DIXDC1: variants seen among roughly 807,000 people sequenced by gnomAD.
DIXDC1 encodes DIX domain containing 1.
In DIXDC1, 64 loss-of-function variants were observed where a neutral mutation model predicts 103.1. That is an observed-to-expected ratio of 0.62 (90% CI 0.51 to 0.76). The LOEUF is 0.76. DIXDC1 is among the 30% of genes least tolerant of loss of function. DIXDC1 has a pLI of 0.00. For synonymous variants in DIXDC1, 266 were observed against 298.5 expected (o/e 0.89, Z 1.12); for missense variants, 759 against 834.2 (o/e 0.91, Z 1.11).
upstream of DIXDC1, chr11:111,937,143 G>GGT: frequency 1.3e-6 from 1 of 753,118 alleles, no homozygotes; most frequent in Non-Finnish European, 1.6e-6. Context: ...GGGGGGGGGT[G>GGT]TGCGCGTGCG....
intron 11 of DIXDC1, 116 bp from the exon 12 acceptor site, chr11:111,992,835 A>T: frequency 1.9e-6 from 2 of 1,028,290 alleles, no homozygotes; most frequent in East Asian, 2.6e-5. Context: ...TTACCATCAT[A>T]CCCTCTCTGT....
Position 111,937,357 on chromosome 11 carries a change from C to T in DIXDC1, c.-143C>T, listed in dbSNP as rs1243532784. On this transcript the variant is annotated 5_prime_UTR_variant, in exon 1 of 20. Transcript: ENST00000440460. ...TGCAAGCCGCTAGTTTGGCTCCAGTCTAGGTTTCCAGTAAGTGGCATGCGG... is the reference window on the plus strand; with the variant it reads ...TGCAAGCCGCTAGTTTGGCTCCAGTTTAGGTTTCCAGTAAGTGGCATGCGG... The T allele has an allele frequency of 6.9e-7, 1 of 1,441,474 alleles. No homozygotes were observed. The highest frequency in any genetic ancestry group is 1.4e-5 in the African/African-American group (1 of 68,996). The allele number at this position is 1,441,474 out of a possible 1,614,324, so 89.3% of individuals were successfully genotyped here.
In DIXDC1 at chr11:111,964,623, C is replaced by A. The variant is rs1859670071; in HGVS notation, c.135C>A (p.Asp45Glu). The change falls in exon 2 of 20, where the codon GAC becomes GAA. Residue 45 changes from aspartate to glutamate, a missense_variant. Physicochemically the swap from Asp to Glu is conservative, Grantham distance 45 (BLOSUM62 2). Transcript: ENST00000440460. ...GGCCAGCAGTGAAGCCTGTGCAGGA[C>A]CTGCGACAAGATCTCCGGGATGGGG... is the stretch of plus-strand genomic sequence containing the variant. ...KKRPAVKPVQ[D>E]LRQDLRDGVI... The A allele has an allele frequency of 5.6e-6, 9 of 1,612,230 alleles. No individual in the cohort carries two copies. Among genetic ancestry groups the A allele is most frequent in the Non-Finnish European group, 6.8e-6 (8 of 1,179,334 alleles).
chr11:111,933,804 A>G (rs1555167899), upstream of DIXDC1, among the ~76,000 whole-genome samples: 1 of 151,954 alleles, frequency 6.6e-6, no homozygotes, highest in East Asian at 1.9e-4. Flanking sequence ...ATAGTCATGA[A>G]TTATTGGCCA....
At chr11:111,988,339 C>T (rs587657002) in intron 9 of DIXDC1, among the ~76,000 whole-genome samples, 2 of 152,316 alleles carry the variant, frequency 1.3e-5, no homozygotes, top group African/African-American at 4.8e-5. Flanking sequence ...GTCCAAGTTA[C>T]AGATCCCCAT....
upstream of DIXDC1, among the ~76,000 whole-genome samples, chr11:111,934,855 CAT>C (rs782484791): frequency 6.6e-6 from 1 of 152,142 alleles, no homozygotes; most frequent in Non-Finnish European, 1.5e-5. Context: ...TCTTAATAGT[CAT>C]ATGGGAACAA....
At chr11:112,012,674 C>G (rs2137636017) in intron 17 of DIXDC1, among the ~76,000 whole-genome samples, 1 of 152,256 alleles carries the variant, frequency 6.6e-6, no homozygotes. Flanking sequence ...AGCCACTTAT[C>G]CTGCATGAGT....
chr11:111,983,484 A>T (rs1214517333), intron 7 of DIXDC1, among the ~76,000 whole-genome samples: 5 of 152,186 alleles, frequency 3.3e-5, no homozygotes, highest in Admixed American at 6.5e-5. Context: ...CTGTATTTTT[A>T]AAATGGCTGG....
At chr11:111,942,457 A>G (rs1219343181) in intron 1 of DIXDC1, among the ~76,000 whole-genome samples, 4 of 152,228 alleles carry the variant, frequency 2.6e-5, no homozygotes, top group African/African-American at 9.6e-5. Context: ...ACCAAGCTCC[A>G]TTAAAGTGGT....
Position 111,982,461 on chromosome 11 carries a change from G to A in DIXDC1, c.892G>A (p.Ala298Thr). 6.2e-7 allele frequency: 1 copy of A among 1,613,502 alleles called. No individual in the cohort carries two copies. The highest frequency in any genetic ancestry group is 8.5e-7 in the Non-Finnish European group (1 of 1,179,660). The change falls in exon 7 of 20, where the codon GCA (alanine) becomes ACA (threonine). Residue 298 changes from alanine (A) to threonine (T), a missense_variant. By Grantham distance (58) the Ala-to-Thr change is moderately conservative. Around this residue, in one of 3 missense-constraint regions of DIXDC1, gnomAD observed 657 missense variants for 727.5 expected, o/e 0.90. Transcript: ENST00000440460. ...ATATTTAGAAAAAGAAATGGAGGAA[G>A]CAAAGAAAATGATATCAGGACTACA... ...QEYLEKEMEE[A>T]KKMISGLQAL...
intron 1 of DIXDC1, among the ~76,000 whole-genome samples, chr11:111,950,430 ATATATATATTTTTTTTTTTTTTTTTTTT>A (rs1353723377): frequency 9.4e-5 from 2 of 21,176 alleles, no homozygotes; most frequent in Admixed American, 8.0e-4. Flanking sequence ...ATATATATAT[ATATATATATTTTTTTTTTTTTTTTTTTT>A]TTTTTTTTTT....
rs781947838 is a variant in DIXDC1, at chr11:111,982,368, T to G, written c.799T>G (p.Trp267Gly). Residue 267 changes from tryptophan (W) to glycine (G), a missense_variant, in exon 7 of 20, where the codon TGG (tryptophan) becomes GGG (glycine). By Grantham distance (184) the Trp-to-Gly change is radical (BLOSUM62 -2). This residue lies in a region of DIXDC1 where 657 missense variants were observed against 727.5 expected (regional missense o/e 0.90). Coordinates refer to ENST00000440460, the MANE Select transcript of DIXDC1 (RefSeq NM_001037954.4). Reference protein sequence around the residue: ...EGTDSPLSRDWRPGSPGTYLE... With the variant: ...EGTDSPLSRDGRPGSPGTYLE... ...GACAGATTCTCCATTATCTCGAGAC[T>G]GGCGGCCAGGGAGCCCTGGAACCTA... 2.5e-6 allele frequency: 4 copies of G among 1,613,796 alleles called. No individual in the cohort carries two copies. The highest frequency in any genetic ancestry group is 3.4e-6 in the Non-Finnish European group (4 of 1,179,860).
intron 1 of DIXDC1, among the ~76,000 whole-genome samples, chr11:111,960,753 A>G (rs782557323): frequency 5.9e-5 from 9 of 152,164 alleles, no homozygotes; most frequent in East Asian, 1.9e-4. Context: ...TGACTGCTCT[A>G]TGGTGGGCCT....
In DIXDC1 at chr11:111,993,651, T is replaced by A. The variant is rs374838293; in HGVS notation, c.1366-18T>A. On this transcript the variant is annotated intron_variant, in intron 13 of 19. Transcript: ENST00000440460. ...TGGCCCAAAGAAATCATTTTCTGAT[T>A]TAGTGTCTATTTTGCAGGTGGATCT... The A allele has an allele frequency of 8.5e-5, 137 of 1,613,918 alleles. No individual in the cohort carries two copies. The highest frequency in any genetic ancestry group is 1.1e-4 in the Non-Finnish European group (134 of 1,179,900).
At chr11:111,937,239 C>G, upstream of DIXDC1, 2 of 1,200,914 alleles carry the variant, frequency 1.7e-6, no homozygotes, top group Non-Finnish European at 2.1e-6. Flanking sequence ...AGCCCGGCAG[C>G]GCCGCTCAAC....
chr11:112,006,994 G>A (rs1180673165), intron 17 of DIXDC1, among the ~76,000 whole-genome samples: 1 of 152,118 alleles, frequency 6.6e-6, no homozygotes, highest in East Asian at 1.9e-4. Context: ...CAGAAGGTCG[G>A]TAATAAACTT....
At chr11:111,939,773 C>G (rs1181791260) in intron 1 of DIXDC1, among the ~76,000 whole-genome samples, 1 of 152,136 alleles carries the variant, frequency 6.6e-6, no homozygotes, top group African/African-American at 2.4e-5. Flanking sequence ...CCATGGGGCC[C>G]TATTTGACCT....
chr11:111,980,914 C>G, intron 6 of DIXDC1, 65 bp downstream of exon 6: 2 of 1,366,380 alleles, frequency 1.5e-6, no homozygotes, highest in Non-Finnish European at 2.1e-6. Context: ...TTAGAGGTCC[C>G]CATCACCAAT....
Position 111,977,702 on chromosome 11 carries a change from G to T in DIXDC1, c.656+2719G>T. ...GGGAGACATGCCTGAATTTGGGAGCGATGTGACTCTCAGCCTCCCACTTCA... is the reference window on the plus strand; with the variant it reads ...GGGAGACATGCCTGAATTTGGGAGCTATGTGACTCTCAGCCTCCCACTTCA... On this transcript the variant is annotated intron_variant, in intron 5 of 19. Transcript: ENST00000440460. This position sits in a 1 kb window ranked among gnomAD's most constrained non-coding sequence, Gnocchi z 6.1. 6.5e-7 allele frequency: 1 copy of T among 1,545,556 alleles called. No homozygotes were observed. The highest frequency in any genetic ancestry group is 8.7e-7 in the Non-Finnish European group (1 of 1,144,120).
Sources: allele counts gnomAD v4.1 joint callset (sites outside exome capture counted in the v4.1 genomes callset), GRCh38; gene constraint gnomAD v4.1.1; regional missense constraint gnomAD v4.1.1; non-coding constraint Gnocchi (gnomAD v3.1); transcripts MANE v1.5; gene names NCBI Gene and HGNC (gene_info 2026-07-23, HGNC 2026-07-21).